C3orf49: variants seen among roughly 807,000 people sequenced by gnomAD.
The protein encoded by C3orf49 is putative uncharacterized protein C3orf49.
C3orf49 carries 27 observed loss-of-function variants against 13.3 expected under a neutral mutation model. That is an observed-to-expected ratio of 2.02 (90% CI 1.49 to 2.79). The LOEUF is 2.79. Among genes scored for constraint, C3orf49 ranks in the 30% most tolerant of loss-of-function variants. The pLI, the probability that C3orf49 is intolerant of heterozygous loss-of-function variation, is 0.00. For synonymous variants in C3orf49, 87 were observed against 47.6 expected, an observed-to-expected ratio of 1.83 and a Z score of -3.40; for missense variants, 242 against 134.2, an observed-to-expected ratio of 1.80 and a Z score of -3.97.
At chr3:63,792,774 T>G in the C3orf49 span, among the ~76,000 whole-genome samples, 1 of 152,204 alleles carries the variant, frequency 6.6e-6, no homozygotes, top group Non-Finnish European at 1.5e-5. Flanking sequence ...CTATGTAAAT[T>G]GGCATCAAGT....
chr3:63,830,106 A>T (rs1701513631), intron 3 of C3orf49, among the ~76,000 whole-genome samples: 1 of 152,218 alleles, frequency 6.6e-6, no homozygotes, highest in Non-Finnish European at 1.5e-5. Context: ...AACAAACAGG[A>T]GCTGCGCCAG....
chr3:63,804,979 T>C, the C3orf49 span: 1 of 152,218 alleles, frequency 6.6e-6, no homozygotes, highest in Non-Finnish European at 1.5e-5. Flanking sequence ...AACAGAATGA[T>C]ATTTCATTTT....
chr3:63,819,826 A>G (rs1043859796), intron 1 of C3orf49, among the ~76,000 whole-genome samples: 2 of 152,168 alleles, frequency 1.3e-5, no homozygotes, highest in East Asian at 1.9e-4. Flanking sequence ...TTAAGTTTCA[A>G]TGTGGCATAG....
intron 6 of C3orf49, among the ~76,000 whole-genome samples, chr3:63,846,882 A>G (rs1219345098): frequency 6.6e-6 from 1 of 152,166 alleles, no homozygotes; most frequent in African/African-American, 2.4e-5. Context: ...GCAAAACCCA[A>G]AAGACTGCAA....
At chr3:63,812,054 G>A in the C3orf49 span, among the ~76,000 whole-genome samples, 1 of 152,140 alleles carries the variant, frequency 6.6e-6, no homozygotes, top group Non-Finnish European at 1.5e-5. Flanking sequence ...CCACCCAACT[G>A]GGGTGCCACT....
At chr3:63,816,764 C>CTTTTT (rs757549553), upstream of C3orf49, among the ~76,000 whole-genome samples, 31 of 80,700 alleles carry the variant, frequency 3.8e-4, no homozygotes, top group African/African-American at 8.1e-4. Flanking sequence ...ATTTTCTTTT[C>CTTTTT]TTTTCTTTTT....
intron 3 of C3orf49, among the ~76,000 whole-genome samples, chr3:63,828,773 CAAT>C (rs1441531577): frequency 6.6e-6 from 1 of 152,002 alleles, no homozygotes; most frequent in African/African-American, 2.4e-5. Flanking sequence ...ACGTAGGTAG[CAAT>C]ATTATTCTTA....
the C3orf49 span, among the ~76,000 whole-genome samples, chr3:63,796,236 G>A: frequency 6.6e-6 from 1 of 152,136 alleles, no homozygotes; most frequent in African/African-American, 2.4e-5. Flanking sequence ...GACTGTGGCA[G>A]TCACCTCTAA....
At chr3:63,839,022 C>T (rs1701697835) in intron 5 of C3orf49, among the ~76,000 whole-genome samples, 2 of 152,140 alleles carry the variant, frequency 1.3e-5, no homozygotes, top group Non-Finnish European at 2.9e-5. Flanking sequence ...GAAACCCCAT[C>T]TCTACTAAAA....
intron 5 of C3orf49, among the ~76,000 whole-genome samples, chr3:63,841,692 A>C (rs903829866): frequency 6.6e-6 from 1 of 152,246 alleles, no homozygotes; most frequent in African/African-American, 2.4e-5. Flanking sequence ...TAAAAATACA[A>C]ACTAATGCTT....
the C3orf49 span, among the ~76,000 whole-genome samples, chr3:63,796,011 T>C: frequency 1.3e-5 from 2 of 152,178 alleles, no homozygotes; most frequent in South Asian, 4.1e-4. Flanking sequence ...GAGGAATTCA[T>C]ATATGGATAC....
chr3:63,812,216 A>G, the C3orf49 span, among the ~76,000 whole-genome samples: 1 of 152,234 alleles, frequency 6.6e-6, no homozygotes, highest in Non-Finnish European at 1.5e-5. Flanking sequence ...CTGAGCCACA[A>G]TGGAAGAAGA....
the C3orf49 span, among the ~76,000 whole-genome samples, chr3:63,802,461 C>T: frequency 4.6e-5 from 7 of 152,170 alleles, no homozygotes; most frequent in Admixed American, 2.6e-4. Context: ...TAACTCATTT[C>T]GTTTAGCCTT....
chr3:63,789,063 T>C, the C3orf49 span, among the ~76,000 whole-genome samples: 2 of 152,138 alleles, frequency 1.3e-5, no homozygotes, highest in Non-Finnish European at 2.9e-5. Context: ...TGGTACGTCA[T>C]CTGTTAGAAA....
chr3:63,816,052 G>A (rs1191779324), upstream of C3orf49, among the ~76,000 whole-genome samples: 2 of 150,746 alleles, frequency 1.3e-5, no homozygotes, highest in Non-Finnish European at 3.0e-5. Flanking sequence ...TCAAAGTGCC[G>A]GGATTACAGG....
chr3:63,820,350 A>C (rs1701377293), intron 1 of C3orf49, among the ~76,000 whole-genome samples: 1 of 152,220 alleles, frequency 6.6e-6, no homozygotes, highest in South Asian at 2.1e-4. Flanking sequence ...GAAGCAATAC[A>C]ACCAAATAAA....
At chr3:63,819,726 T>C in intron 1 of C3orf49, 130 bp downstream of exon 1, 1 of 596,818 alleles carries the variant, frequency 1.7e-6, no homozygotes, top group East Asian at 2.8e-5. Context: ...CTGCGTTGGA[T>C]CAAGAAATCT....
chr3:63,791,878 G>A, the C3orf49 span, among the ~76,000 whole-genome samples: 1 of 151,770 alleles, frequency 6.6e-6, no homozygotes, highest in East Asian at 1.9e-4. Flanking sequence ...TTTTGTCTTG[G>A]GCCTTCAACA....
rs187136402 is a variant in C3orf49 at position 63,827,227 on chromosome 3, C to G, written c.446-374C>G. On this transcript the variant is annotated intron_variant, in intron 2 of 6. Coordinates refer to ENST00000295896, the MANE Select transcript of C3orf49 (RefSeq NM_001355236.2). Reference sequence around the variant, plus strand: ...TGACTGAGCCTTGAGCCACATTTCTCGAAAATAGATAGAAAATTTGCTTTA... The same window carrying G: ...TGACTGAGCCTTGAGCCACATTTCTGGAAAATAGATAGAAAATTTGCTTTA... 31 of 161,254 alleles carry G rather than the reference C, an allele frequency of 1.9e-4. No individual in the cohort carries two copies. The East Asian group carries it at 2.6e-3, about 14-fold the overall frequency. 10.0% of individuals were successfully genotyped at this position (161,254 alleles called of 1,614,324 possible).
Sources: gnomAD v4.1 joint callset for allele counts (sites outside exome capture counted in the v4.1 genomes callset) on GRCh38, gnomAD v4.1.1 for gene constraint, MANE v1.5 for transcripts, NCBI Gene and HGNC (gene_info 2026-07-23, HGNC 2026-07-21) for gene names.